Variants in HERC2 observed in about 807,000 individuals in gnomAD.
HERC2 encodes E3 ubiquitin-protein ligase HERC2.
Under a neutral mutation model 537.7 loss-of-function variants are expected in HERC2, and 102 were observed. The observed-to-expected ratio is 0.19, with a 90% CI of 0.16 to 0.22. The LOEUF (loss-of-function observed/expected upper bound fraction) is 0.22. Among genes scored for constraint, HERC2 ranks in the 10% least tolerant of loss-of-function variants. HERC2 has a pLI of 1.00. For missense variants in HERC2, 4,236 were observed against 6,198.2 expected, an observed-to-expected ratio of 0.68 and a Z score of 10.63; for synonymous variants, 2,224 against 2,466.2, an observed-to-expected ratio of 0.90 and a Z score of 2.91.
chr15:28,164,111 T>C (rs1010679246), intron 68 of HERC2, among the ~76,000 whole-genome samples: 1 of 152,202 alleles, frequency 6.6e-6, no homozygotes, highest in Non-Finnish European at 1.5e-5. Context: ...GCTGTGACCC[T>C]GTGCAGAGCA....
intron 23 of HERC2, among the ~76,000 whole-genome samples, chr15:28,242,143 G>A (rs1392191001): frequency 1.3e-5 from 2 of 152,194 alleles, no homozygotes; most frequent in Non-Finnish European, 2.9e-5. Flanking sequence ...AAGTAGAATG[G>A]TAGTTGCCAG....
At chr15:28,210,607 T>G (rs991841553) in intron 44 of HERC2, among the ~76,000 whole-genome samples, 19 of 151,932 alleles carry the variant, frequency 1.3e-4, no homozygotes, top group African/African-American at 4.6e-4. Context: ...AGCAGCCTGT[T>G]CATGGAGTGC....
intron 2 of HERC2, among the ~76,000 whole-genome samples, chr15:28,299,870 G>A (rs913312816): frequency 4.6e-5 from 7 of 151,884 alleles, no homozygotes; most frequent in Non-Finnish European, 7.4e-5. Context: ...TGGCCAACAC[G>A]GTGAAACCCC....
rs2077104302 is a variant in HERC2 at position 28,316,941 on chromosome 15, T to C, written c.72+4421A>G. Among the ~76,000 whole-genome samples the C allele has an allele frequency of 7.9e-5, 12 of 151,452 alleles. No individual in the cohort carries two copies. The South Asian group carries it at 2.5e-3, about 32-fold the overall frequency. On this transcript the variant is annotated intron_variant, in intron 2 of 92. Coordinates refer to ENST00000261609, the MANE Select transcript of HERC2 (RefSeq NM_004667.6). ...ACAGGCACGTGCCACCACACCCAGC[T>C]AATTTTTGTATTTTTAGTAGAGATG...
chr15:28,230,262 A>G, intron 31 of HERC2, 105 bp downstream of exon 31: 1 of 1,153,318 alleles, frequency 8.7e-7, no homozygotes, highest in East Asian at 2.3e-5. Context: ...TGTTTCTAAC[A>G]ACCGCCCGTC....
intron 2 of HERC2, chr15:28,312,941 G>A (rs1420819903): frequency 1.8e-5 from 3 of 164,734 alleles, no homozygotes; most frequent in Non-Finnish European, 3.8e-5. Flanking sequence ...GGCAGTAACA[G>A]GCTCACTTTT....
chr15:28,118,986 C>T (rs997436144), intron 86 of HERC2, among the ~76,000 whole-genome samples: 2 of 152,184 alleles, frequency 1.3e-5, no homozygotes, highest in African/African-American at 4.8e-5. Context: ...GAAGGCCTGA[C>T]ACCACGCACG....
rs113508270 is a variant in HERC2 at position 28,177,559 on chromosome 15, C to T, written c.9164-50G>A. On this transcript the variant is annotated intron_variant, in intron 59 of 92. Coordinates refer to ENST00000261609, the MANE Select transcript of HERC2 (RefSeq NM_004667.6). This position sits in a 1 kb window ranked among gnomAD's most constrained non-coding sequence, Gnocchi z 5.0. Reference sequence around the variant, plus strand: ...TTGCCAAAGGGCAGGGAACAGAAAGCCCACAGCATAGCTAGCTCCCTATTT... The same window carrying T: ...TTGCCAAAGGGCAGGGAACAGAAAGTCCACAGCATAGCTAGCTCCCTATTT... 2 of 1,545,502 alleles carry T rather than the reference C, an allele frequency of 1.3e-6. No individual in the cohort carries two copies. Among genetic ancestry groups the T allele is most frequent in the South Asian group, 2.2e-5 (2 of 89,608 alleles).
rs753308541 is a variant in HERC2, at chr15:28,214,744, G to A, written c.6269C>T (p.Ala2090Val). The A allele has an allele frequency of 8.7e-6, 14 of 1,611,486 alleles. No homozygotes were observed. The highest frequency in any genetic ancestry group is 2.3e-4 in the Middle Eastern group (1 of 4,428). ...CTCCACGAGGCATTTCATGTCCCTC[G>A]CCCTTTCGGTCTTGTCCCATGATGG... ...VLPSWDKTER[A>V]RDMKCLVEKL... Residue 2090 changes from alanine (A) to valine (V), a missense_variant, in exon 40 of 93, where the codon GCG (alanine) becomes GTG (valine). Around this residue, in one of 27 missense-constraint regions of HERC2, gnomAD observed 365 missense variants for 468.8 expected, o/e 0.78. Coordinates refer to ENST00000261609, the MANE Select transcript of HERC2 (RefSeq NM_004667.6).
At chr15:28,149,695 T>C (rs1418941485) in intron 70 of HERC2, among the ~76,000 whole-genome samples, 2 of 147,000 alleles carry the variant, frequency 1.4e-5, no homozygotes, top group Non-Finnish European at 3.0e-5. Context: ...GAACATCACT[T>C]AGAATGGCCA....
intron 9 of HERC2, 194 bp downstream of exon 9, chr15:28,272,021 G>A (rs2075743261): frequency 3.5e-6 from 2 of 572,028 alleles, no homozygotes; most frequent in African/African-American, 1.9e-5. Context: ...TGACAAGGAA[G>A]TCAGTGCTCA....
chr15:28,236,502 G>T (rs1471967763), intron 26 of HERC2, among the ~76,000 whole-genome samples: 2 of 151,918 alleles, frequency 1.3e-5, no homozygotes, highest in African/African-American at 4.8e-5. Flanking sequence ...CATTGGCCAG[G>T]CTGGTCTTGA....
chr15:28,196,027 T>A (rs1458794096), intron 52 of HERC2, among the ~76,000 whole-genome samples, 188 bp downstream of exon 52: 1 of 152,150 alleles, frequency 6.6e-6, no homozygotes, highest in Admixed American at 6.5e-5. Context: ...CGACACCCCA[T>A]CCTGATTTTT....
chr15:28,262,443 C>G (rs981037407), intron 15 of HERC2, among the ~76,000 whole-genome samples: 1 of 152,180 alleles, frequency 6.6e-6, no homozygotes, highest in African/African-American at 2.4e-5. Context: ...ACAATGCATG[C>G]TGGACACCTT....
At position 28,177,205 on chromosome 15, in the gene HERC2, A is replaced by G; in HGVS notation, c.9255-78T>C. 1 of 1,409,718 alleles carries G rather than the reference A, an allele frequency of 7.1e-7. No homozygotes were observed. The highest frequency in any genetic ancestry group is 9.7e-7 in the Non-Finnish European group (1 of 1,026,322). 87.3% of individuals were successfully genotyped at this position (1,409,718 alleles called of 1,614,324 possible). ...TGAAGGAAAAAAGACATCTATACTG[A>G]TCCACATGTAGTCAACACAGGATCC... On this transcript the variant is annotated intron_variant, in intron 60 of 92. Coordinates refer to ENST00000261609, the MANE Select transcript of HERC2 (RefSeq NM_004667.6). The surrounding 1 kb of genome is among the most constrained non-coding windows in gnomAD (Gnocchi z 5.0).
chr15:28,141,543 A>G lies in HERC2; in HGVS notation c.11904T>C (p.Ile3968=). ...TGGGAACTTTGACTTTTGCGCCTTC[A>G]ATGCCCCCGAGCTGGCCCCTGTGAT... ...GHNHRGQLGG[I]EGAKVKVPTP... Residue 3968 remains isoleucine (I), a synonymous_variant, in exon 78 of 93, where the codon ATT becomes ATC. Transcript: ENST00000261609. 1 of 1,614,106 alleles carries G rather than the reference A, an allele frequency of 6.2e-7. No individual in the cohort carries two copies. The highest frequency in any genetic ancestry group is 8.5e-7 in the Non-Finnish European group (1 of 1,180,024).
Position 28,144,251 on chromosome 15 carries a change from G to A in HERC2, c.11141-16C>T. 1 of 1,611,498 alleles carries A rather than the reference G, an allele frequency of 6.2e-7. No individual in the cohort carries two copies. The highest frequency in any genetic ancestry group is 8.5e-7 in the Non-Finnish European group (1 of 1,178,540). ...TCTTTAGGGCCTGTGAATGAACACT[G>A]TAAACATCCCCGGGTTTCACAAGCT... On this transcript the variant is annotated splice_polypyrimidine_tract_variant and intron_variant, in intron 72 of 92. Transcript: ENST00000261609.
At position 28,130,540 on chromosome 15, in the gene HERC2, A is replaced by C; in HGVS notation, c.12625T>G (p.Ser4209Ala). The change falls in exon 82 of 93, where the codon TCT becomes GCT. Residue 4209 changes from serine (S) to alanine (A), a missense_variant. This residue lies in a region of HERC2 where 38 missense variants were observed against 36.7 expected (regional missense o/e 1.04). Coordinates refer to ENST00000261609, the MANE Select transcript of HERC2 (RefSeq NM_004667.6). ...VVKVECGSQF[S>A]VALTKSGAVY... ...GCTCCAGATTTGGTAAGGGCAACAGAAAACTGGGATCCGCATTCCACTTTA... is the reference window on the plus strand; with the variant it reads ...GCTCCAGATTTGGTAAGGGCAACAGCAAACTGGGATCCGCATTCCACTTTA... 6.2e-7 allele frequency: 1 copy of C among 1,614,170 alleles called. No individual in the cohort carries two copies.
At position 28,130,164 on chromosome 15, in the gene HERC2, A is replaced by T. The variant is rs373175587; in HGVS notation, c.12801T>A (p.Asp4267Glu). The change falls in exon 83 of 93, where the codon GAT becomes GAA. Residue 4267 changes from aspartate to glutamate, a missense_variant and splice_region_variant. This residue lies in a region of HERC2 where 189 missense variants were observed against 255.7 expected (regional missense o/e 0.74). Transcript: ENST00000261609. ...CTGCGGCACTGAGCCCCTACCTACCATCCTCTGTGCAGCACACACAGTGCA... is the reference window on the plus strand; with the variant it reads ...CTGCGGCACTGAGCCCCTACCTACCTTCCTCTGTGCAGCACACACAGTGCA... Reference protein sequence around the residue: ...GSLHCVCCTEDGEVYTWGDND... With the variant: ...GSLHCVCCTEEGEVYTWGDND... The T allele has an allele frequency of 9.0e-4, 1,448 of 1,613,922 alleles. 23 individuals are homozygous for T. In the South Asian group the frequency reaches 0.015, roughly 17 times the overall value.
Sources: allele counts gnomAD v4.1 joint callset (sites outside exome capture counted in the v4.1 genomes callset), GRCh38; gene constraint gnomAD v4.1.1; regional missense constraint gnomAD v4.1.1; non-coding constraint Gnocchi (gnomAD v3.1); transcripts MANE v1.5; gene names NCBI Gene and HGNC (gene_info 2026-07-23, HGNC 2026-07-21).